The following NCOA2 variants were observed in gnomAD, a reference collection of about 807,000 sequenced individuals.
NCOA2 encodes the protein class E basic helix-loop-helix protein 75.
NCOA2 carries 21 observed loss-of-function variants against 145.1 expected under a neutral mutation model. The observed-to-expected ratio is 0.14, with a 90% confidence interval of 0.10 to 0.21. The LOEUF is 0.21. NCOA2 is among the 10% of genes least tolerant of loss of function. The pLI is 1.00. For synonymous variants in NCOA2, 619 were observed against 637.5 expected (o/e 0.97, Z 0.44); for missense variants, 1,472 against 1,837.6 (o/e 0.80, Z 3.64).
intron 4 of NCOA2, among the ~76,000 whole-genome samples, chr8:70,195,294 A>AT (rs1390911045): frequency 6.6e-6 from 1 of 152,232 alleles, no homozygotes; most frequent in African/African-American, 2.4e-5. Flanking sequence ...AGAGTAAAAA[A>AT]TTGAGTATAA....
At chr8:70,335,630 C>A (rs1189452719) in intron 1 of NCOA2, among the ~76,000 whole-genome samples, 1 of 152,238 alleles carries the variant, frequency 6.6e-6, no homozygotes, top group Non-Finnish European at 1.5e-5. Context: ...CTGGCAACCA[C>A]TCTTCTATCT....
intron 15 of NCOA2, among the ~76,000 whole-genome samples, chr8:70,136,665 T>C (rs552767810): frequency 6.6e-6 from 1 of 152,258 alleles, no homozygotes; most frequent in East Asian, 1.9e-4. Context: ...TTTTGAAATG[T>C]ATACATAAAC....
At chr8:70,203,046 C>T (rs762879526) in intron 4 of NCOA2, among the ~76,000 whole-genome samples, 4 of 152,084 alleles carry the variant, frequency 2.6e-5, no homozygotes, top group African/African-American at 9.6e-5. Context: ...AGGTGGATCA[C>T]GAGGTCAAAA....
At chr8:70,117,897 A>G (rs1807327856) in intron 22 of NCOA2, among the ~76,000 whole-genome samples, 2 of 152,244 alleles carry the variant, frequency 1.3e-5, no homozygotes, top group South Asian at 4.1e-4. Flanking sequence ...TAAAAGGCAG[A>G]ATGTGGGACC....
At chr8:70,159,961 G>A (rs1812757987) in intron 9 of NCOA2, among the ~76,000 whole-genome samples, 1 of 152,096 alleles carries the variant, frequency 6.6e-6, no homozygotes, top group South Asian at 2.1e-4. Flanking sequence ...CCATTTAACT[G>A]CTCAAACAAG....
chr8:70,426,342 T>C, the NCOA2 span, among the ~76,000 whole-genome samples: 1 of 152,232 alleles, frequency 6.6e-6, no homozygotes, highest in South Asian at 2.1e-4. Flanking sequence ...TAACTGCCTT[T>C]CAACAGATCA....
chr8:70,322,310 C>G (rs1806149748), intron 1 of NCOA2, among the ~76,000 whole-genome samples: 1 of 152,124 alleles, frequency 6.6e-6, no homozygotes, highest in African/African-American at 2.4e-5. Flanking sequence ...TCTGTCAAGA[C>G]TTAATATATG....
At chr8:70,267,758 C>T (rs1824735166) in intron 2 of NCOA2, among the ~76,000 whole-genome samples, 1 of 151,986 alleles carries the variant, frequency 6.6e-6, no homozygotes, top group Non-Finnish European at 1.5e-5. Context: ...AATCTCAAGG[C>T]CATAAAATTC....
rs1563635609 is a variant in NCOA2 at position 70,216,676 on chromosome 8, C to G, written c.70G>C (p.Asp24His). Reference protein sequence around the residue: ...AETRKRKECPDQLGPSPKRNT... With the variant: ...AETRKRKECPHQLGPSPKRNT... ...GAATCTAACCTGGGTCCAAGTTGGT[C>G]AGGACATTCCTTGCGCTTTCTTGTC... The change falls in exon 3 of 23, where the codon GAC becomes CAC. Residue 24 changes from aspartate (D) to histidine (H), a missense_variant. Coordinates refer to ENST00000452400, the MANE Select transcript of NCOA2 (RefSeq NM_006540.4). 1.2e-6 allele frequency: 2 copies of G among 1,613,364 alleles called. No homozygotes were observed. Among genetic ancestry groups the G allele is most frequent in the East Asian group, 4.5e-5 (2 of 44,870 alleles).
rs1305213178 is a variant in NCOA2, at chr8:70,128,743, G to C, written c.3562C>G (p.Gln1188Glu). Residue 1188 changes from glutamine (Q) to glutamate (E), a missense_variant, in exon 17 of 23, where the codon CAA becomes GAA. Around this residue, in one of 4 missense-constraint regions of NCOA2, gnomAD observed 953 missense variants for 1,062.1 expected, o/e 0.90. Coordinates refer to ENST00000452400, the MANE Select transcript of NCOA2 (RefSeq NM_006540.4). ...CGATGCTGAAGTTGAAGTCTTAGTT[G>C]ATTTGGCTGGTTCTGCACTAGGCCC... Reference protein sequence around the residue: ...PTGLVQNQPNQLRLQLQHRLQ... With the variant: ...PTGLVQNQPNELRLQLQHRLQ... 1 of 1,613,974 alleles carries C rather than the reference G, an allele frequency of 6.2e-7. No homozygotes were observed. The highest frequency in any genetic ancestry group is 1.1e-5 in the South Asian group (1 of 91,080).
At chr8:70,322,318 A>G (rs916097758) in intron 1 of NCOA2, among the ~76,000 whole-genome samples, 1 of 152,178 alleles carries the variant, frequency 6.6e-6, no homozygotes, top group Non-Finnish European at 1.5e-5. Context: ...GACTTAATAT[A>G]TGTTCATTCC....
chr8:70,386,789 G>C (rs949011620), intron 1 of NCOA2, among the ~76,000 whole-genome samples: 1 of 152,184 alleles, frequency 6.6e-6, no homozygotes, highest in African/African-American at 2.4e-5. Flanking sequence ...AGCAACTCAA[G>C]TGTTATTATC....
chr8:70,330,543 C>A lies in NCOA2; in HGVS notation c.-76-33743G>T, dbSNP rs1374930058. ...CTCCAATCATGCCACTGCACTCCAG[C>A]CTGAGTGACACAGACACCATGTCTC... On this transcript the variant is annotated intron_variant, in intron 1 of 22. Coordinates refer to ENST00000452400, the MANE Select transcript of NCOA2 (RefSeq NM_006540.4). 2.7e-5 allele frequency among the ~76,000 whole-genome samples: 4 copies of A among 150,828 alleles called. No individual in the cohort carries two copies. In the East Asian group the frequency reaches 7.7e-4, roughly 29 times the overall value.
At chr8:70,128,562 C>G (rs1808717067) in intron 17 of NCOA2, 52 bp from the exon 18 acceptor site, 1 of 1,596,552 alleles carries the variant, frequency 6.3e-7, no homozygotes, top group African/African-American at 1.3e-5. Context: ...ATACATTTTA[C>G]TTTAAATCAA....
At chr8:70,314,787 A>G (rs574035328) in intron 1 of NCOA2, among the ~76,000 whole-genome samples, 1 of 152,366 alleles carries the variant, frequency 6.6e-6, no homozygotes, top group Admixed American at 6.5e-5. Flanking sequence ...TCTCAGTTAT[A>G]TAATGAATTG....
chr8:70,420,462 T>G, the NCOA2 span, among the ~76,000 whole-genome samples: 1 of 152,168 alleles, frequency 6.6e-6, no homozygotes, highest in Admixed American at 6.5e-5. Context: ...TGAGAACTAC[T>G]ATGCTAACTA....
intron 1 of NCOA2, among the ~76,000 whole-genome samples, chr8:70,350,935 T>C (rs567334713): frequency 6.6e-6 from 1 of 152,328 alleles, no homozygotes; most frequent in South Asian, 2.1e-4. Context: ...TTCACAGTTC[T>C]GGAAGCAGGG....
rs117761799 is a variant in NCOA2 at position 70,389,670 on chromosome 8, G to A, written c.-77+14030C>T. 7.5e-3 allele frequency among the ~76,000 whole-genome samples: 1,145 copies of A among 151,968 alleles called. 8 individuals are homozygous for A. Among genetic ancestry groups the A allele is most frequent in the Middle Eastern group, 0.024 (7 of 294 alleles). ...CAAGTATGTCTGTAAGACATTTCAG[G>A]AAAACTTTTTTTTAGACGGCGGAGT... On this transcript the variant is annotated intron_variant, in intron 1 of 22. Transcript: ENST00000452400.
chr8:70,211,453 CAA>C (rs1301400749), intron 4 of NCOA2, among the ~76,000 whole-genome samples: 3 of 120,014 alleles, frequency 2.5e-5, no homozygotes, highest in Non-Finnish European at 1.8e-5. Flanking sequence ...AGCAAGACTC[CAA>C]AAAAAAAAAG....
Sources: gnomAD v4.1 joint callset for allele counts (sites outside exome capture counted in the v4.1 genomes callset) on GRCh38, gnomAD v4.1.1 for gene constraint, gnomAD v4.1.1 regional missense constraint, MANE v1.5 for transcripts, NCBI Gene and HGNC (gene_info 2026-07-23, HGNC 2026-07-21) for gene names.